The following DOCK11 variants were observed in gnomAD, a reference collection of about 807,000 sequenced individuals.
DOCK11 encodes the protein dedicator of cytokinesis 11, also known as dedicator of cytokinesis protein 11.
DOCK11 carries 70 observed loss-of-function variants against 169.1 expected under a neutral mutation model. That is an observed-to-expected ratio of 0.41 (90% confidence interval 0.34 to 0.51). The LOEUF is 0.51. DOCK11 is among the 20% of genes least tolerant of loss of function. The pLI is 0.10. For synonymous variants in DOCK11, 529 were observed against 541.3 expected (o/e 0.98, Z 0.32); for missense variants, 1,166 against 1,538.8 (o/e 0.76, Z 4.05).
chrX:118,567,130 C>T (rs2013104301), intron 9 of DOCK11, among the ~76,000 whole-genome samples: 1 of 111,492 alleles, frequency 9.0e-6, no homozygotes, highest in Admixed American at 9.6e-5. Flanking sequence ...TTGTTATTTA[C>T]TCTGCTGTTT....
intron 44 of DOCK11, among the ~76,000 whole-genome samples, chrX:118,660,621 C>A (rs746937199): frequency 1.0e-4 from 11 of 109,150 alleles, no homozygotes; most frequent in African/African-American, 3.0e-4. Flanking sequence ...CCCGCCACCA[C>A]GCCCAGCTAA....
At chrX:118,613,640 A>G (rs1360541816) in intron 28 of DOCK11, among the ~76,000 whole-genome samples, 2 of 112,664 alleles carry the variant, frequency 1.8e-5, no homozygotes, top group African/African-American at 6.4e-5. Flanking sequence ...TAAGCCAAAG[A>G]CTTAGAGGTG....
Position 118,676,733 on chromosome X carries a change from A to G in DOCK11, c.5456A>G (p.Asp1819Gly). ...AATGTCAAAATAATTCAGGATTCAG[A>G]CAAGGTAACACATACCCTACATGTT... ...TENVKIIQDS[D>G]KVNAKELDPK... Residue 1819 changes from aspartate (D) to glycine (G), a missense_variant, in exon 48 of 53, where the codon GAC (aspartate) becomes GGC (glycine). By Grantham distance (94) the Asp-to-Gly change is moderately conservative (BLOSUM62 -1). Coordinates refer to ENST00000276202, the MANE Select transcript of DOCK11 (RefSeq NM_144658.4). 3 of 1,194,884 alleles carry G rather than the reference A, an allele frequency of 2.5e-6. No homozygotes were observed. Among genetic ancestry groups the G allele is most frequent in the Non-Finnish European group, 3.4e-6 (3 of 884,989 alleles).
At chrX:118,633,745 A>C (rs1021836217) in intron 35 of DOCK11, 1 of 112,748 alleles carries the variant, frequency 8.9e-6, no homozygotes, top group African/African-American at 3.2e-5. Flanking sequence ...TGATAGGCAC[A>C]TGCCTCTGCC....
chrX:118,658,297 G>C (rs909484052), intron 44 of DOCK11, among the ~76,000 whole-genome samples: 7 of 112,406 alleles, frequency 6.2e-5, no homozygotes, highest in African/African-American at 2.3e-4. Flanking sequence ...AGTTTCTCTT[G>C]AAGTACATTA....
intron 42 of DOCK11, among the ~76,000 whole-genome samples, chrX:118,653,538 G>C (rs113856285): frequency 0.14 from 15,573 of 110,166 alleles, 884 homozygotes; most frequent in Non-Finnish European, 0.17. Flanking sequence ...TCAGCCTCCC[G>C]AGTAGCTGGG....
At chrX:118,587,851 T>C (rs2013861887) in intron 16 of DOCK11, among the ~76,000 whole-genome samples, 1 of 111,818 alleles carries the variant, frequency 8.9e-6, no homozygotes, top group Admixed American at 9.5e-5. Flanking sequence ...GAGTTTAAAT[T>C]TGTCAAAATT....
Position 118,683,122 on chromosome X carries a change from C to A in DOCK11, c.6007C>A (p.Arg2003=), listed in dbSNP as rs1469720834. 2 of 1,206,685 alleles carry A rather than the reference C, an allele frequency of 1.7e-6. No individual in the cohort carries two copies. Among genetic ancestry groups the A allele is most frequent in the East Asian group, 5.9e-5 (2 of 33,667 alleles). ...ACSIALELNE[R]LIKEDQVEYH... is the part of the protein sequence containing the mutation. ...CAGCATTGCACTTGAACTAAATGAG[C>A]GGCTAATTAAAGAAGATCAAGTTGA... The change falls in exon 52 of 53, where the codon CGG becomes AGG. Residue 2003 remains arginine (R), a synonymous_variant. Transcript: ENST00000276202.
intron 1 of DOCK11, among the ~76,000 whole-genome samples, chrX:118,527,767 AG>A (rs1279280456): frequency 8.9e-6 from 1 of 112,151 alleles, no homozygotes; most frequent in Non-Finnish European, 1.9e-5. Context: ...GTAAGGCAGT[AG>A]ATTATAACCT....
intron 18 of DOCK11, among the ~76,000 whole-genome samples, 186 bp from the exon 19 acceptor site, chrX:118,590,024 C>T (rs1054104172): frequency 1.8e-5 from 2 of 112,200 alleles, no homozygotes; most frequent in Non-Finnish European, 3.8e-5. Context: ...AGCCAAGTTA[C>T]ATGGTGTCTC....
At position 118,608,348 on chromosome X, in the gene DOCK11, T is replaced by A. The variant is rs144182048; in HGVS notation, c.2869T>A (p.Leu957Met). The change falls in exon 26 of 53, where the codon TTG becomes ATG. Residue 957 changes from leucine to methionine, a missense_variant. Transcript: ENST00000276202. ...QSADFLSINKLLKYSWFFFEI... is the reference protein window; with the variant it reads ...QSADFLSINKMLKYSWFFFEI... ...TGCAGATTTTTTATCAATAAACAAATTGCTAAAGGTATGAACACAGGACAC... is the reference window on the plus strand; with the variant it reads ...TGCAGATTTTTTATCAATAAACAAAATGCTAAAGGTATGAACACAGGACAC... The A allele has an allele frequency of 9.1e-6, 11 of 1,205,477 alleles. No individual in the cohort carries two copies. The highest frequency in any genetic ancestry group is 1.2e-5 in the Non-Finnish European group (11 of 893,678).
rs1450137035 is a variant in DOCK11 at position 118,542,981 on chromosome X, C to G, written c.275C>G (p.Ala92Gly). Reference protein sequence around the residue: ...RTVQSTVPEDAEKRAQSLFVK... With the variant: ...RTVQSTVPEDGEKRAQSLFVK... The stretch of plus-strand genomic sequence containing the variant: ...GTGCAGTCTACTGTACCAGAAGATG[C>G]TGAAAAGAGGGCCCAGAGTTTATTT... The change falls in exon 3 of 53, where the codon GCT becomes GGT. Residue 92 changes from alanine (A) to glycine (G), a missense_variant. Transcript: ENST00000276202. 1.7e-6 allele frequency: 2 copies of G among 1,208,441 alleles called. No individual in the cohort carries two copies. Among genetic ancestry groups the G allele is most frequent in the African/African-American group, 1.8e-5 (1 of 56,961 alleles).
chrX:118,583,463 G>T (rs182442961), intron 14 of DOCK11, among the ~76,000 whole-genome samples: 214 of 110,586 alleles, frequency 1.9e-3, no homozygotes, highest in African/African-American at 6.8e-3. Flanking sequence ...ATATATATAT[G>T]AAGTAGGAAC....
Position 118,628,246 on chromosome X carries a change from C to A in DOCK11, c.3748C>A (p.Pro1250Thr). The change falls in exon 34 of 53, where the codon CCA (proline) becomes ACA (threonine). Residue 1250 changes from proline (P) to threonine (T), a missense_variant. Physicochemically the swap from Pro to Thr is conservative, Grantham distance 38. Coordinates refer to ENST00000276202, the MANE Select transcript of DOCK11 (RefSeq NM_144658.4). ...SLIPEGATGFPDQGNTGENTR... is the reference protein window; with the variant it reads ...SLIPEGATGFTDQGNTGENTR... Reference sequence around the variant, plus strand: ...CATCCCAGAAGGAGCAACAGGATTTCCAGATCAGGGCAACACTGGTGAAAA... The same window carrying A: ...CATCCCAGAAGGAGCAACAGGATTTACAGATCAGGGCAACACTGGTGAAAA... 1 of 1,201,373 alleles carries A rather than the reference C, an allele frequency of 8.3e-7. No individual in the cohort carries two copies. Among genetic ancestry groups the A allele is most frequent in the Non-Finnish European group, 1.1e-6 (1 of 886,641 alleles).
chrX:118,509,113 G>T (rs2147310249), intron 1 of DOCK11, among the ~76,000 whole-genome samples: 1 of 111,674 alleles, frequency 9.0e-6, no homozygotes, highest in South Asian at 3.7e-4. Context: ...CCTGTCCATA[G>T]CTAACCCCCT....
chrX:118,583,035 T>C (rs1434922126), intron 14 of DOCK11, among the ~76,000 whole-genome samples: 3 of 111,840 alleles, frequency 2.7e-5, no homozygotes, highest in African/African-American at 9.8e-5. Flanking sequence ...AACCCAAATG[T>C]CCAACAATGA....
chrX:118,637,837 G>GT (rs2147508400), intron 36 of DOCK11, among the ~76,000 whole-genome samples: 1 of 111,515 alleles, frequency 9.0e-6, no homozygotes, highest in South Asian at 3.8e-4. Flanking sequence ...GCATTGACAG[G>GT]TTTTTTAAAC....
intron 1 of DOCK11, among the ~76,000 whole-genome samples, chrX:118,535,598 G>A (rs1302053180): frequency 1.8e-5 from 2 of 111,264 alleles, no homozygotes; most frequent in East Asian, 5.6e-4. Context: ...CTGTTGGGGA[G>A]CGAGGAGGGC....
Position 118,580,175 on chromosome X carries a change from G to T in DOCK11, c.1591G>T (p.Ala531Ser). 8.3e-7 allele frequency: 1 copy of T among 1,204,357 alleles called. No individual in the cohort carries two copies. The highest frequency in any genetic ancestry group is 1.1e-6 in the Non-Finnish European group (1 of 891,184). ...ATACAGAATGCCCTTCGCTTGGGCT[G>T]CCAGGTTTGTACAAATATAATCCTG... ...GQYRMPFAWA[A>S]RPIFKDTQGS... Residue 531 changes from alanine to serine, a missense_variant, in exon 14 of 53, where the codon GCC (alanine) becomes TCC (serine). Ala to Ser is a moderately conservative substitution (Grantham distance 99). Transcript: ENST00000276202.
Sources: gnomAD v4.1 joint callset for allele counts (sites outside exome capture counted in the v4.1 genomes callset) on GRCh38, gnomAD v4.1.1 for gene constraint, MANE v1.5 for transcripts, NCBI Gene and HGNC (gene_info 2026-07-23, HGNC 2026-07-21) for gene names.